DLGAP2: variants seen among roughly 807,000 people sequenced by gnomAD.
DLGAP2 encodes DLG associated protein 2.
In DLGAP2, 26 loss-of-function variants were observed where a neutral mutation model predicts 100.3. That is an observed-to-expected ratio of 0.26 (90% CI 0.19 to 0.36). The LOEUF (loss-of-function observed/expected upper bound fraction) is 0.36. Ranked by LOEUF, DLGAP2 falls within the 10% of genes least tolerant of loss-of-function variation. The pLI is 1.00. For synonymous variants in DLGAP2, 886 were observed against 630.1 expected (o/e 1.41, Z -6.08); for missense variants, 1,858 against 1,453.2 (o/e 1.28, Z -4.53).
rs545681504 is a variant in DLGAP2 at position 1,062,333 on chromosome 8, G to A, written c.73+154367G>A. ...CCGTGGCAGCCTGGTCCGGGCTGTG[G>A]CTGACTGGAGCCTCGGAGGCACACT... is the stretch of plus-strand genomic sequence containing the variant. On this transcript the variant is annotated intron_variant, in intron 2 of 14. Coordinates refer to ENST00000637795, the MANE Select transcript of DLGAP2 (RefSeq NM_001346810.2). Among the ~76,000 whole-genome samples the A allele has an allele frequency of 9.8e-5, 15 of 152,310 alleles. No homozygotes were observed. The East Asian group carries it at 2.9e-3, about 30-fold the overall frequency.
intron 2 of DLGAP2, among the ~76,000 whole-genome samples, chr8:1,025,987 C>T (rs568324146): frequency 2.9e-4 from 44 of 152,348 alleles, no homozygotes; most frequent in African/African-American, 1.1e-3. Flanking sequence ...AGGGCTGAGA[C>T]GGTGCCCTGA....
chr8:1,502,464 T>A (rs1799756342), intron 4 of DLGAP2, among the ~76,000 whole-genome samples: 1 of 152,216 alleles, frequency 6.6e-6, no homozygotes, highest in African/African-American at 2.4e-5. Context: ...TATAAGATGA[T>A]GGAAATGGGT....
intron 4 of DLGAP2, among the ~76,000 whole-genome samples, chr8:1,523,705 A>C (rs761615282): frequency 6.6e-6 from 1 of 152,170 alleles, no homozygotes; most frequent in African/African-American, 2.4e-5. Context: ...CAATTATGGC[A>C]CTAATCATGT....
chr8:790,850 A>G (rs1822006213), intron 1 of DLGAP2, among the ~76,000 whole-genome samples: 1 of 152,030 alleles, frequency 6.6e-6, no homozygotes, highest in South Asian at 2.1e-4. Flanking sequence ...GGCTCAAGTG[A>G]TCCTCCTGCC....
At chr8:1,633,251 A>G (rs1797694657) in intron 8 of DLGAP2, among the ~76,000 whole-genome samples, 1 of 152,216 alleles carries the variant, frequency 6.6e-6, no homozygotes, top group Admixed American at 6.5e-5. Flanking sequence ...CTTAGAATGA[A>G]ATCTACTCAT....
At chr8:1,078,585 C>A (rs869193216) in intron 2 of DLGAP2, among the ~76,000 whole-genome samples, 1 of 151,988 alleles carries the variant, frequency 6.6e-6, no homozygotes, top group African/African-American at 2.4e-5. Context: ...CCTCTAACCC[C>A]TAGCAAACAC....
rs183771810 is a variant in DLGAP2 at position 1,192,189 on chromosome 8, C to G, written c.74-66662C>G. On this transcript the variant is annotated intron_variant, in intron 2 of 14. Coordinates refer to ENST00000637795, the MANE Select transcript of DLGAP2 (RefSeq NM_001346810.2). ...AGCTGTGGGTGGGGCTGTCCAGATG[C>G]TTCTGTTGCTATGATCAACCACAGC... 7.9e-5 allele frequency among the ~76,000 whole-genome samples: 12 copies of G among 152,282 alleles called. No homozygotes were observed. In the East Asian group the frequency reaches 2.3e-3, roughly 29 times the overall value.
chr8:1,234,988 ATCGTGTCTAGTTCTCTCACACATAGCG>A (rs71188802), intron 2 of DLGAP2, among the ~76,000 whole-genome samples: 117,881 of 151,662 alleles, frequency 0.78, 46,341 homozygotes, highest in Middle Eastern at 0.91. Context: ...CACGCATAGC[ATCGTGTCTAGTTCTCTCACACATAGCG>A]TTGTGTCTAA....
At chr8:1,680,980 A>G (rs981829800) in intron 12 of DLGAP2, 4 of 152,188 alleles carry the variant, frequency 2.6e-5, no homozygotes, top group South Asian at 2.1e-4. Flanking sequence ...ATGTCACTCA[A>G]TCAAGCTGTG....
At chr8:771,136 A>T (rs558341539) in intron 1 of DLGAP2, among the ~76,000 whole-genome samples, 92 of 152,252 alleles carry the variant, frequency 6.0e-4, no homozygotes, top group African/African-American at 2.2e-3. Flanking sequence ...TTGTAAAATT[A>T]CCTAATTTAT....
At chr8:1,091,151 G>T (rs940996785) in intron 2 of DLGAP2, among the ~76,000 whole-genome samples, 2 of 152,114 alleles carry the variant, frequency 1.3e-5, no homozygotes, top group Non-Finnish European at 2.9e-5. Flanking sequence ...AGCCCACCCC[G>T]GTTCTCTCTG....
At chr8:751,862 A>G (rs1308364984) in intron 1 of DLGAP2, among the ~76,000 whole-genome samples, 1 of 151,992 alleles carries the variant, frequency 6.6e-6, no homozygotes, top group African/African-American at 2.4e-5. Flanking sequence ...TTCATCTGAC[A>G]CTTCATAGTA....
intron 3 of DLGAP2, among the ~76,000 whole-genome samples, chr8:1,352,375 C>T (rs1027616405): frequency 6.6e-6 from 1 of 152,056 alleles, no homozygotes; most frequent in Non-Finnish European, 1.5e-5. Flanking sequence ...CCCCCTGGGG[C>T]TTCCTCATGG....
chr8:1,132,113 T>C (rs1441912837), intron 2 of DLGAP2, among the ~76,000 whole-genome samples: 1 of 152,244 alleles, frequency 6.6e-6, no homozygotes, highest in Non-Finnish European at 1.5e-5. Flanking sequence ...TTTTTCATTA[T>C]ATGTGTTAAT....
At chr8:1,572,403 G>T (rs1434525259) in intron 6 of DLGAP2, among the ~76,000 whole-genome samples, 1 of 109,932 alleles carries the variant, frequency 9.1e-6, no homozygotes, top group Non-Finnish European at 1.9e-5. Flanking sequence ...AGAGGAGAGA[G>T]GGGTGAACTG....
chr8:1,347,863 A>G (rs1425372975), intron 3 of DLGAP2, among the ~76,000 whole-genome samples: 1 of 149,242 alleles, frequency 6.7e-6, no homozygotes, highest in African/African-American at 2.5e-5. Context: ...ACAGAGCTAC[A>G]TTGCACTCAT....
chr8:1,658,395 T>TTA (rs1798333142), intron 8 of DLGAP2, among the ~76,000 whole-genome samples: 1 of 152,170 alleles, frequency 6.6e-6, no homozygotes, highest in South Asian at 2.1e-4. Context: ...GGCTACTTTT[T>TTA]TATATATATA....
At chr8:1,112,236 C>CTTTT (rs1804979491) in intron 2 of DLGAP2, among the ~76,000 whole-genome samples, 1 of 69,612 alleles carries the variant, frequency 1.4e-5, no homozygotes, top group African/African-American at 4.7e-5. Flanking sequence ...GTCCTTTGCC[C>CTTTT]ATTTTTTTTT....
chr8:1,105,801 A>G (rs990017473), intron 2 of DLGAP2, among the ~76,000 whole-genome samples: 2 of 145,828 alleles, frequency 1.4e-5, no homozygotes, highest in South Asian at 2.2e-4. Context: ...GAGAGGAGCC[A>G]TTCTAGGAGG....
Sources: allele counts gnomAD v4.1 joint callset (sites outside exome capture counted in the v4.1 genomes callset), GRCh38; gene constraint gnomAD v4.1.1; transcripts MANE v1.5; gene names NCBI Gene and HGNC (gene_info 2026-07-23, HGNC 2026-07-21).